MAML3: variants seen among roughly 807,000 people sequenced by gnomAD.
MAML3 encodes mastermind-like protein 3.
MAML3 carries 27 observed loss-of-function variants against 101.9 expected under a neutral mutation model. The ratio of observed to expected loss-of-function variants is 0.27; its 90% CI spans 0.20 to 0.37. MAML3 has a LOEUF of 0.37. MAML3 is among the 10% of genes least tolerant of loss of function. MAML3 has a pLI of 1.00. For missense variants in MAML3, 1,316 were observed against 1,444.9 expected (o/e 0.91, Z 1.45); for synonymous variants, 501 against 555.9 (o/e 0.90, Z 1.39).
chr4:139,969,373 G>A (rs1158610427), intron 1 of MAML3, among the ~76,000 whole-genome samples: 2 of 151,960 alleles, frequency 1.3e-5, no homozygotes, highest in African/African-American at 2.4e-5. Context: ...CTTCACCCCT[G>A]CTCCCTTCTA....
At chr4:139,751,701 C>T (rs1729506036) in intron 2 of MAML3, among the ~76,000 whole-genome samples, 1 of 152,082 alleles carries the variant, frequency 6.6e-6, no homozygotes, top group Admixed American at 6.5e-5. Flanking sequence ...GTTTGATGGA[C>T]CCCAGGGAGC....
chr4:139,727,461 G>A (rs558507001), intron 3 of MAML3, among the ~76,000 whole-genome samples: 1 of 152,340 alleles, frequency 6.6e-6, no homozygotes, highest in South Asian at 2.1e-4. Context: ...GTGGGGGACT[G>A]AGGGTGTATC....
chr4:140,064,538 A>G (rs1026117571), intron 1 of MAML3, among the ~76,000 whole-genome samples: 3 of 152,160 alleles, frequency 2.0e-5, no homozygotes, highest in African/African-American at 7.2e-5. Flanking sequence ...TCCACACTTC[A>G]AGAACGAGTT....
At chr4:140,110,902 T>A (rs1728429227) in intron 1 of MAML3, among the ~76,000 whole-genome samples, 1 of 152,182 alleles carries the variant, frequency 6.6e-6, no homozygotes, top group Non-Finnish European at 1.5e-5. Context: ...AAATAAGCAA[T>A]TTCATATGAT....
chr4:139,783,923 C>T (rs35645323), intron 2 of MAML3, among the ~76,000 whole-genome samples: 30,192 of 152,162 alleles, frequency 0.2, 3,190 homozygotes, highest in Non-Finnish European at 0.21. Context: ...CTCTTCATTA[C>T]GCATTTAGCG....
chr4:140,111,911 T>C (rs557182946), intron 1 of MAML3, among the ~76,000 whole-genome samples: 12 of 152,338 alleles, frequency 7.9e-5, no homozygotes, highest in Admixed American at 5.2e-4. Context: ...CCCTCCTCAG[T>C]AGTTCTTTGT....
At chr4:140,115,406 CA>C (rs1175715099) in intron 1 of MAML3, among the ~76,000 whole-genome samples, 1 of 152,168 alleles carries the variant, frequency 6.6e-6, no homozygotes, top group Non-Finnish European at 1.5e-5. Flanking sequence ...AATTCATAAA[CA>C]AATGAAATAT....
chr4:140,012,766 A>T (rs1726582774), intron 1 of MAML3, among the ~76,000 whole-genome samples: 1 of 152,200 alleles, frequency 6.6e-6, no homozygotes, highest in Non-Finnish European at 1.5e-5. Context: ...GAGTCTAATT[A>T]TGCAGATATC....
chr4:139,722,738 A>G (rs551071081), intron 4 of MAML3, among the ~76,000 whole-genome samples: 18 of 152,242 alleles, frequency 1.2e-4, no homozygotes, highest in Non-Finnish European at 2.4e-4. Flanking sequence ...TTTGAAATGT[A>G]TAATGGTGAG....
intron 1 of MAML3, among the ~76,000 whole-genome samples, chr4:140,047,818 C>G (rs1727206695): frequency 6.7e-6 from 1 of 149,822 alleles, no homozygotes; most frequent in Non-Finnish European, 1.5e-5. Context: ...GGAGACTGAA[C>G]TTAAATGGAG....
intron 1 of MAML3, among the ~76,000 whole-genome samples, chr4:140,083,650 C>T (rs1156994492): frequency 5.3e-5 from 8 of 152,166 alleles, no homozygotes; most frequent in Admixed American, 2.6e-4. Flanking sequence ...CTGGCAACTC[C>T]AGTTATTCTT....
chr4:139,882,815 C>T (rs1732246153), intron 2 of MAML3, among the ~76,000 whole-genome samples: 1 of 152,196 alleles, frequency 6.6e-6, no homozygotes, highest in Non-Finnish European at 1.5e-5. Context: ...AGCCACTGCA[C>T]TCCAGCCTGG....
intron 1 of MAML3, among the ~76,000 whole-genome samples, chr4:139,975,267 A>T (rs1430351628): frequency 6.6e-6 from 1 of 152,044 alleles, no homozygotes; most frequent in Non-Finnish European, 1.5e-5. Context: ...CACTTCAAGC[A>T]TTTTCACATG....
chr4:139,836,156 C>T (rs987199654), intron 2 of MAML3, among the ~76,000 whole-genome samples: 20 of 152,194 alleles, frequency 1.3e-4, no homozygotes, highest in African/African-American at 4.6e-4. Context: ...TTCACTTTCA[C>T]GGCAGTTTCT....
intron 2 of MAML3, among the ~76,000 whole-genome samples, chr4:139,769,132 C>T (rs1415725451): frequency 6.6e-6 from 1 of 152,176 alleles, no homozygotes; most frequent in South Asian, 2.1e-4. Flanking sequence ...AGAAGTCCTA[C>T]CATTAGCTTG....
chr4:140,096,653 C>A (rs1728168397), intron 1 of MAML3, among the ~76,000 whole-genome samples: 1 of 152,076 alleles, frequency 6.6e-6, no homozygotes, highest in Non-Finnish European at 1.5e-5. Context: ...GGGAGCAGTG[C>A]AGAAGAGAAC....
At chr4:139,885,138 C>T (rs780072738) in intron 2 of MAML3, among the ~76,000 whole-genome samples, 1 of 152,158 alleles carries the variant, frequency 6.6e-6, no homozygotes, top group Non-Finnish European at 1.5e-5. Flanking sequence ...CGGTGGCTCA[C>T]GCCTGTAATC....
chr4:140,131,184 C>CA (rs945169279), intron 1 of MAML3, among the ~76,000 whole-genome samples: 1 of 152,190 alleles, frequency 6.6e-6, no homozygotes, highest in Non-Finnish European at 1.5e-5. Flanking sequence ...AAGAAGGATG[C>CA]AGATATTCCT....
At chr4:140,006,346 G>T (rs975347459) in intron 1 of MAML3, among the ~76,000 whole-genome samples, 1 of 152,072 alleles carries the variant, frequency 6.6e-6, no homozygotes, top group African/African-American at 2.4e-5. Flanking sequence ...AGCACTTTGG[G>T]AGGCCAAGAG....
Sources: gnomAD v4.1 joint callset for allele counts (sites outside exome capture counted in the v4.1 genomes callset) on GRCh38, gnomAD v4.1.1 for gene constraint, MANE v1.5 for transcripts, NCBI Gene and HGNC (gene_info 2026-07-23, HGNC 2026-07-21) for gene names.